Variants in CYBRD1 observed in about 807,000 individuals in gnomAD.
CYBRD1 encodes the protein plasma membrane ascorbate-dependent reductase CYBRD1.
A neutral mutation model predicts 21.9 loss-of-function variants in CYBRD1; 14 were observed. The ratio of observed to expected loss-of-function variants is 0.64; its 90% CI spans 0.42 to 1.00. The LOEUF (loss-of-function observed/expected upper bound fraction) is 1.00, where lower values mean the gene tolerates loss of function less well. CYBRD1 is among the 50% of genes least tolerant of loss of function. The pLI is 0.00. For synonymous variants in CYBRD1, 146 were observed against 136.5 expected, an observed-to-expected ratio of 1.07 and a Z score of -0.48; for missense variants, 328 against 352.5, an observed-to-expected ratio of 0.93 and a Z score of 0.56.
chr2:171,523,688 G>T (rs1400595131), intron 1 of CYBRD1, among the ~76,000 whole-genome samples: 2 of 151,624 alleles, frequency 1.3e-5, no homozygotes, highest in East Asian at 2.0e-4. Context: ...CGGGGGAGGG[G>T]CTCAGCAGTC....
Position 171,522,481 on chromosome 2 carries a change from C to A in CYBRD1, c.-65C>A. The A allele has an allele frequency of 1.3e-6, 2 of 1,548,494 alleles. No individual in the cohort carries two copies. Among genetic ancestry groups the A allele is most frequent in the Non-Finnish European group, 1.7e-6 (2 of 1,148,030 alleles). On this transcript the variant is annotated 5_prime_UTR_variant, in exon 1 of 4. Coordinates refer to ENST00000321348, the MANE Select transcript of CYBRD1 (RefSeq NM_024843.4). This position sits in a 1 kb window ranked among gnomAD's most constrained non-coding sequence, Gnocchi z 4.3. ...CCCCGGTCCCGCCGCCCGGCCACTA[C>A]CCAGAGGGCTGCCGCCGCCTCTCCA...
At chr2:171,522,345 G>C (rs1259141790), upstream of CYBRD1, 12 of 1,512,370 alleles carry the variant, frequency 7.9e-6, no homozygotes, top group Non-Finnish European at 4.4e-6. This position sits in a 1 kb window ranked among gnomAD's most constrained non-coding sequence, Gnocchi z 4.3. Context: ...CCGGGGGTGG[G>C]GCCCATTTCT....
At chr2:171,534,511 A>G (rs937818937) in intron 1 of CYBRD1, among the ~76,000 whole-genome samples, 17 of 152,346 alleles carry the variant, frequency 1.1e-4, no homozygotes, top group African/African-American at 4.1e-4. Context: ...TCAGTTACTT[A>G]TACATTTTAA....
At chr2:171,531,866 C>G (rs1697472139) in intron 1 of CYBRD1, among the ~76,000 whole-genome samples, 1 of 152,092 alleles carries the variant, frequency 6.6e-6, no homozygotes. Context: ...AATGTGTAGT[C>G]AATTAATTGA....
intron 1 of CYBRD1, among the ~76,000 whole-genome samples, chr2:171,528,827 G>A (rs947328098): frequency 4.6e-5 from 7 of 152,092 alleles, no homozygotes; most frequent in African/African-American, 1.4e-4. Context: ...TCAGTAAATG[G>A]CAACTTTATC....
chr2:171,548,859 A>G (rs374122950), intron 2 of CYBRD1, among the ~76,000 whole-genome samples: 12 of 151,942 alleles, frequency 7.9e-5, no homozygotes, highest in Non-Finnish European at 1.8e-4. Context: ...AATCCCAACA[A>G]TTTGGGAGGC....
rs148889396 is a variant in CYBRD1 at position 171,537,141 on chromosome 2, TTG to T, written c.194-4432_194-4431del. 1.1e-3 allele frequency among the ~76,000 whole-genome samples: 165 copies of T among 152,064 alleles called. 3 individuals carry two copies. Among genetic ancestry groups the T allele is most frequent in the East Asian group, 9.1e-3 (47 of 5,178 alleles). On this transcript the variant is annotated intron_variant, in intron 1 of 3. Transcript: ENST00000321348. ...TACCTACTACCTAGCAAGGACTCAA[TTG>T]TGTGTGTGTGTTTGTGTGTCTGTGT...
chr2:171,539,705 C>A (rs1426595168), intron 1 of CYBRD1: 3 of 150,612 alleles, frequency 2.0e-5, no homozygotes, highest in Non-Finnish European at 4.4e-5. Flanking sequence ...TTAAGACAAC[C>A]CTTTGTAAAA....
At chr2:171,545,545 A>ATTTTTTT (rs35880894) in intron 2 of CYBRD1, among the ~76,000 whole-genome samples, 1 of 121,602 alleles carries the variant, frequency 8.2e-6, no homozygotes, top group South Asian at 2.7e-4. Flanking sequence ...CATGTGGCTA[A>ATTTTTTT]TTTTTTTTTT....
Position 171,523,014 on chromosome 2 carries a change from C to G in CYBRD1, c.193+276C>G, listed in dbSNP as rs1574429146. The G allele has an allele frequency of 1.2e-5, 6 of 489,626 alleles. No homozygotes were observed. The East Asian group carries it at 2.5e-4, about 20-fold the overall frequency. The allele number at this position is 489,626 out of a possible 1,614,324, so 30.3% of individuals were successfully genotyped here. ...GCTGCTGGGGGCGGCGGAGCGGGGCCGGCCCCACTTGGTTAACTCTTTGCG... is the reference window on the plus strand; with the variant it reads ...GCTGCTGGGGGCGGCGGAGCGGGGCGGGCCCCACTTGGTTAACTCTTTGCG... On this transcript the variant is annotated intron_variant, in intron 1 of 3. Coordinates refer to ENST00000321348, the MANE Select transcript of CYBRD1 (RefSeq NM_024843.4).
intron 2 of CYBRD1, among the ~76,000 whole-genome samples, chr2:171,550,190 C>A (rs1697778257): frequency 6.6e-6 from 1 of 152,162 alleles, no homozygotes; most frequent in South Asian, 2.1e-4. Flanking sequence ...ACTGCAACCT[C>A]CGCCATCCGG....
At chr2:171,527,838 G>T (rs1697406929) in intron 1 of CYBRD1, among the ~76,000 whole-genome samples, 1 of 152,020 alleles carries the variant, frequency 6.6e-6, no homozygotes, top group African/African-American at 2.4e-5. Context: ...TCAGTTCTCT[G>T]CTTGCCTTAC....
chr2:171,540,761 T>C (rs1215117047), intron 1 of CYBRD1: 1 of 145,256 alleles, frequency 6.9e-6, no homozygotes, highest in East Asian at 2.1e-4. Flanking sequence ...CTTTTTCTTA[T>C]CAAACTAAGA....
At chr2:171,529,380 A>T (rs1484821290) in intron 1 of CYBRD1, among the ~76,000 whole-genome samples, 1 of 151,920 alleles carries the variant, frequency 6.6e-6, no homozygotes, top group East Asian at 1.9e-4. Context: ...AAAAATACAA[A>T]ATTAGCCGGG....
At chr2:171,549,533 A>G (rs1190710133) in intron 2 of CYBRD1, among the ~76,000 whole-genome samples, 1 of 152,222 alleles carries the variant, frequency 6.6e-6, no homozygotes, top group African/African-American at 2.4e-5. Context: ...TTCCTGTTCC[A>G]CAAGGAGTAG....
chr2:171,549,764 T>C (rs552337620), intron 2 of CYBRD1, among the ~76,000 whole-genome samples: 4 of 152,384 alleles, frequency 2.6e-5, no homozygotes, highest in African/African-American at 9.6e-5. Flanking sequence ...AAAGTTTATT[T>C]TTCCTTAGCT....
chr2:171,529,224 C>T lies in CYBRD1; in HGVS notation c.193+6486C>T, dbSNP rs565747593. On this transcript the variant is annotated intron_variant, in intron 1 of 3. Transcript: ENST00000321348. ...CACCAGGGTGTCTTTCTGGATTCAA[C>T]TAAACATTCAGACACGAGAAACTGC... Among the ~76,000 whole-genome samples, 3 of 152,240 alleles carry T rather than the reference C, an allele frequency of 2.0e-5. No individual in the cohort carries two copies. In the East Asian group the frequency reaches 5.8e-4, roughly 29 times the overall value.
chr2:171,541,515 C>T, intron 1 of CYBRD1, 70 bp from the exon 2 acceptor site: 1 of 1,481,486 alleles, frequency 6.7e-7, no homozygotes, highest in Admixed American at 1.7e-5. Context: ...TCCAGTGTGT[C>T]AAACTGTTCA....
rs1255132681 is a variant in CYBRD1 at position 171,542,185 on chromosome 2, T to C, written c.402+392T>C. Among the ~76,000 whole-genome samples the C allele has an allele frequency of 2.0e-5, 3 of 152,124 alleles. No individual in the cohort carries two copies. The East Asian group carries it at 5.8e-4, about 29-fold the overall frequency. On this transcript the variant is annotated intron_variant, in intron 2 of 3. Transcript: ENST00000321348. ...AGTGACTGTAAATGTTTTCTAAACA[T>C]TCTTTACATTTGTTTCTATTATAAC...
Sources: allele counts gnomAD v4.1 joint callset (sites outside exome capture counted in the v4.1 genomes callset), GRCh38; gene constraint gnomAD v4.1.1; non-coding constraint Gnocchi (gnomAD v3.1); transcripts MANE v1.5; gene names NCBI Gene and HGNC (gene_info 2026-07-23, HGNC 2026-07-21).